OR1B1: variants seen among roughly 807,000 people sequenced by gnomAD.
OR1B1 encodes the protein olfactory receptor family 1 subfamily B member 1.
For synonymous variants in OR1B1, 168 were observed against 156.2 expected (o/e 1.08, Z -0.57); for missense variants, 414 against 402.1 (o/e 1.03, Z -0.25).
chr9:122,644,261 A>G, the OR1B1 span, among the ~76,000 whole-genome samples: 162 of 152,278 alleles, frequency 1.1e-3, 4 homozygotes, highest in Admixed American at 0.011. Flanking sequence ...GCCTAGCAGC[A>G]TTCACCACAA....
At chr9:122,645,259 A>AG in the OR1B1 span, among the ~76,000 whole-genome samples, 13 of 152,220 alleles carry the variant, frequency 8.5e-5, no homozygotes, top group African/African-American at 2.9e-4. Context: ...AAAGAAAAAA[A>AG]AACAGAATAA....
At chr9:122,636,955 A>C in the OR1B1 span, 5 of 152,372 alleles carry the variant, frequency 3.3e-5, no homozygotes, top group East Asian at 9.6e-4. Flanking sequence ...TTTTGGAAGA[A>C]AATGAACTTT....
downstream of OR1B1, chr9:122,628,464 T>C: frequency 1.4e-6 from 1 of 691,914 alleles, no homozygotes; most frequent in South Asian, 1.9e-5. Context: ...GAGCCAAATC[T>C]GGAGTTCCTT....
chr9:122,649,629 C>T, the OR1B1 span, among the ~76,000 whole-genome samples: 3 of 152,144 alleles, frequency 2.0e-5, no homozygotes, highest in Non-Finnish European at 4.4e-5. Flanking sequence ...ATTTATGCAG[C>T]CCACAAACAT....
At chr9:122,631,410 CTCGTGA>C, upstream of OR1B1, among the ~76,000 whole-genome samples, 1 of 152,160 alleles carries the variant, frequency 6.6e-6, no homozygotes, top group South Asian at 2.1e-4. Context: ...ATCTCCTGAC[CTCGTGA>C]TCCGCCCACC....
exon 1 of OR1B1, chr9:122,629,383 G>A (rs748300507): frequency 1.2e-6 from 2 of 1,613,958 alleles, no homozygotes; most frequent in Non-Finnish European, 1.7e-6. Flanking sequence ...AGTCCCAGGA[G>A]ATGAGCAGCA....
chr9:122,650,886 A>G, the OR1B1 span, among the ~76,000 whole-genome samples: 10 of 152,058 alleles, frequency 6.6e-5, no homozygotes, highest in Non-Finnish European at 1.3e-4. Context: ...TTAGCTGGGC[A>G]TGGTGGCGGG....
chr9:122,652,790 C>T, the OR1B1 span, among the ~76,000 whole-genome samples: 1 of 152,008 alleles, frequency 6.6e-6, no homozygotes, highest in Non-Finnish European at 1.5e-5. Context: ...AAAATTAACC[C>T]TCATTATATT....
At chr9:122,634,896 A>G in the OR1B1 span, among the ~76,000 whole-genome samples, 48,732 of 152,124 alleles carry the variant, frequency 0.32, 9,276 homozygotes, top group East Asian at 0.64. Context: ...TGGCAAGGAT[A>G]TGAAGGAAAG....
the OR1B1 span, chr9:122,637,192 G>A: frequency 3.9e-5 from 6 of 152,158 alleles, no homozygotes; most frequent in African/African-American, 7.2e-5. Context: ...ATCCTTTTCT[G>A]TCTCTGGCTA....
chr9:122,629,081 AC>A lies in OR1B1; in HGVS notation c.454del (p.Val152TrpfsTer131). The A allele has an allele frequency of 6.2e-7, 1 of 1,614,020 alleles. No homozygotes were observed. Among genetic ancestry groups the A allele is most frequent in the Non-Finnish European group, 8.5e-7 (1 of 1,179,978 alleles). On this transcript the variant is annotated frameshift_variant, in exon 1 of 1. Coordinates refer to ENST00000623530, the Ensembl canonical transcript of OR1B1. LOFTEE classifies it low-confidence loss of function (END_TRUNC). The stretch of plus-strand genomic sequence containing the variant: ...CAACATGGTGTGCAGTATGGACACC[AC>A]CCAGCTCAAGGCTAGTAAGCAGGCA...
At chr9:122,634,436 C>T (rs1830237816), upstream of OR1B1, among the ~76,000 whole-genome samples, 1 of 152,042 alleles carries the variant, frequency 6.6e-6, no homozygotes, top group South Asian at 2.1e-4. Flanking sequence ...AATTGACTCA[C>T]AGTTCCACAC....
At chr9:122,647,972 CT>C in the OR1B1 span, among the ~76,000 whole-genome samples, 1 of 151,984 alleles carries the variant, frequency 6.6e-6, no homozygotes, top group Non-Finnish European at 1.5e-5. Context: ...CCATTTTTTT[CT>C]CCTTATATGC....
At chr9:122,643,528 G>T in the OR1B1 span, among the ~76,000 whole-genome samples, 1 of 152,166 alleles carries the variant, frequency 6.6e-6, no homozygotes, top group Admixed American at 6.5e-5. Flanking sequence ...AAACTTTAAA[G>T]GCAGTCTAGG....
upstream of OR1B1, among the ~76,000 whole-genome samples, chr9:122,633,699 G>T (rs560006579): frequency 1.3e-5 from 2 of 152,056 alleles, no homozygotes; most frequent in Admixed American, 6.6e-5. Flanking sequence ...GGAAGCCAAG[G>T]CAGGCAGATC....
upstream of OR1B1, among the ~76,000 whole-genome samples, chr9:122,632,254 A>C (rs1830210131): frequency 6.6e-6 from 1 of 152,192 alleles, no homozygotes; most frequent in East Asian, 1.9e-4. Flanking sequence ...TAAAGTACTT[A>C]GTGTCTAAGA....
At chr9:122,657,596 G>A in the OR1B1 span, among the ~76,000 whole-genome samples, 6 of 152,232 alleles carry the variant, frequency 3.9e-5, no homozygotes, top group African/African-American at 7.2e-5. Context: ...TTGCACTCAC[G>A]GAACACAAAA....
At chr9:122,636,857 A>T in the OR1B1 span, among the ~76,000 whole-genome samples, 1 of 152,220 alleles carries the variant, frequency 6.6e-6, no homozygotes, top group African/African-American at 2.4e-5. Context: ...ATCTTAAGCA[A>T]GTTATGCTTT....
downstream of OR1B1, chr9:122,628,457 C>A (rs1830161757): frequency 4.4e-6 from 3 of 676,586 alleles, no homozygotes; most frequent in East Asian, 7.5e-5. Context: ...TTGACAAGAG[C>A]CAAATCTGGA....
Sources: gnomAD v4.1 joint callset for allele counts (sites outside exome capture counted in the v4.1 genomes callset) on GRCh38, gnomAD v4.1.1 for gene constraint, MANE v1.5 for transcripts, NCBI Gene and HGNC (gene_info 2026-07-23, HGNC 2026-07-21) for gene names.